The following SREBF2 variants were observed in gnomAD, a reference collection of about 807,000 sequenced individuals.
SREBF2 encodes sterol regulatory element binding transcription factor 2, also known as sterol regulatory element-binding protein 2.
A neutral mutation model predicts 113.1 loss-of-function variants in SREBF2; 55 were observed. The observed-to-expected ratio is 0.49, with a 90% CI of 0.39 to 0.61. The LOEUF (loss-of-function observed/expected upper bound fraction) is 0.61, where lower values mean the gene tolerates loss of function less well. Ranked by LOEUF, SREBF2 falls within the 20% of genes least tolerant of loss-of-function variation. The probability of loss-of-function intolerance (pLI) is 0.00; values close to 1 mark genes in which losing one functional copy is unlikely to be tolerated. For missense variants in SREBF2, 1,349 were observed against 1,487.4 expected, an observed-to-expected ratio of 0.91 and a Z score of 1.53; for synonymous variants, 593 against 605.7, an observed-to-expected ratio of 0.98 and a Z score of 0.31.
At position 41,885,012 on chromosome 22, in the gene SREBF2, G is replaced by A. The variant is rs766904764; in HGVS notation, c.2208+1G>A. On this transcript the variant is annotated splice_donor_variant, in intron 11 of 18. Transcript: ENST00000361204. LOFTEE classifies it high-confidence loss of function. The stretch of plus-strand genomic sequence containing the variant: ...TGGAGGCAAGCTGGGCTTCCTGGCC[G>A]TGAGTACCCTTCGGTTCCCTTCTGT... The A allele has an allele frequency of 5.6e-6, 9 of 1,614,038 alleles. No homozygotes were observed. Among genetic ancestry groups the A allele is most frequent in the Admixed American group, 1.7e-5 (1 of 60,008 alleles).
At chr22:41,900,039 CGTT>C in intron 15 of SREBF2, 1 of 1,337,644 alleles carries the variant, frequency 7.5e-7, no homozygotes, top group East Asian at 3.3e-5. Flanking sequence ...CTGAGGCACA[CGTT>C]GGAATGACTA....
intron 11 of SREBF2, among the ~76,000 whole-genome samples, chr22:41,889,819 G>A (rs987299296): frequency 6.6e-6 from 1 of 151,888 alleles, no homozygotes; most frequent in African/African-American, 2.4e-5. Context: ...TGGCCAACAT[G>A]ATGAAACTCC....
At chr22:41,896,945 C>A in intron 13 of SREBF2, 107 bp from the exon 14 acceptor site, 1 of 757,968 alleles carries the variant, frequency 1.3e-6, no homozygotes, top group Non-Finnish European at 2.3e-6. Flanking sequence ...AGGAAAGGGA[C>A]AGAAATGGCC....
intron 11 of SREBF2, among the ~76,000 whole-genome samples, chr22:41,892,222 C>A (rs1329674451): frequency 6.6e-6 from 1 of 152,216 alleles, no homozygotes; most frequent in African/African-American, 2.4e-5. Context: ...CACTCCAGTG[C>A]CATCTGATGT....
In SREBF2 at chr22:41,906,115, A is replaced by T; in HGVS notation, c.*455A>T. On this transcript the variant is annotated 3_prime_UTR_variant, in exon 19 of 19. Transcript: ENST00000361204. ...TCCCCTTTTTATACGAATGTTTTCT[A>T]CCAGTGTGCTTGGGTTTGCCATGAT... The T allele has an allele frequency of 2.4e-6, 1 of 412,264 alleles. No individual in the cohort carries two copies. The highest frequency in any genetic ancestry group is 1.8e-5 in the South Asian group (1 of 56,480). The allele number at this position is 412,264 out of a possible 1,614,324, so 25.5% of individuals were successfully genotyped here. A position where few individuals can be genotyped will look rare whatever the true frequency, so the allele number is the denominator to read the frequency against.
At chr22:41,855,226 T>C (rs1025820689) in intron 1 of SREBF2, among the ~76,000 whole-genome samples, 1 of 152,112 alleles carries the variant, frequency 6.6e-6, no homozygotes, top group African/African-American at 2.4e-5. Context: ...ATTGCAAATT[T>C]AAATACAAAA....
At chr22:41,861,419 C>G (rs2077026360) in intron 1 of SREBF2, among the ~76,000 whole-genome samples, 1 of 151,798 alleles carries the variant, frequency 6.6e-6, no homozygotes, top group African/African-American at 2.4e-5. Context: ...TTGCTTGAAC[C>G]TGGGATGTGG....
At chr22:41,866,340 C>A (rs1250950215) in intron 1 of SREBF2, among the ~76,000 whole-genome samples, 1 of 152,060 alleles carries the variant, frequency 6.6e-6, no homozygotes, top group Non-Finnish European at 1.5e-5. Context: ...CACCTAAGGT[C>A]AGGAGTTCGA....
At chr22:41,882,947 A>T (rs1769091361) in intron 10 of SREBF2, among the ~76,000 whole-genome samples, 1 of 152,202 alleles carries the variant, frequency 6.6e-6, no homozygotes, top group African/African-American at 2.4e-5. Flanking sequence ...CTCCAAAAAA[A>T]ATTCAAAAAA....
chr22:41,857,190 G>C (rs1043594554), intron 1 of SREBF2, among the ~76,000 whole-genome samples: 2 of 152,194 alleles, frequency 1.3e-5, no homozygotes, highest in Non-Finnish European at 2.9e-5. Flanking sequence ...GTGGACGGGA[G>C]TGAAGAGGTA....
chr22:41,884,863 C>T lies in SREBF2; in HGVS notation c.2060C>T (p.Ala687Val). 1.2e-6 allele frequency: 2 copies of T among 1,614,196 alleles called. No individual in the cohort carries two copies. Among genetic ancestry groups the T allele is most frequent in the Non-Finnish European group, 1.7e-6 (2 of 1,180,032 alleles). ...HITGKLPAGS[A>V]CSDVHMALCA... The stretch of plus-strand genomic sequence containing the variant: ...CTAGGGAAGCTTCCTGCAGGATCCG[C>T]CTGTTCCGATGTACACATGGCGTTG... The change falls in exon 11 of 19, where the codon GCC becomes GTC. Residue 687 changes from alanine to valine, a missense_variant. By Grantham distance (64) the Ala-to-Val change is moderately conservative (BLOSUM62 0). Coordinates refer to ENST00000361204, the MANE Select transcript of SREBF2 (RefSeq NM_004599.4).
intron 1 of SREBF2, among the ~76,000 whole-genome samples, chr22:41,861,200 T>C (rs2077023968): frequency 6.6e-6 from 1 of 152,030 alleles, no homozygotes; most frequent in African/African-American, 2.4e-5. Context: ...ACATTGACAA[T>C]GGGCCGGGCG....
rs773251845 is a variant in SREBF2 at position 41,864,249 on chromosome 22, TATATATATATATAC to T, written c.89-2580_89-2567del. The stretch of plus-strand genomic sequence containing the variant: ...ATATATATATATATATATATATATA[TATATATATATATAC>T]ACACACACACACACACACACAAAAT... On this transcript the variant is annotated intron_variant, in intron 1 of 18. Coordinates refer to ENST00000361204, the MANE Select transcript of SREBF2 (RefSeq NM_004599.4). 5.9e-3 allele frequency among the ~76,000 whole-genome samples: 573 copies of T among 96,714 alleles called. 1 individual carries two copies. The highest frequency in any genetic ancestry group is 9.1e-3 in the Non-Finnish European group (457 of 50,044). The allele number at this position is 96,714 out of a possible 152,430, so 63.4% of individuals were successfully genotyped here.
At chr22:41,900,198 T>C in intron 15 of SREBF2, 132 bp from the exon 16 acceptor site, 1 of 1,528,588 alleles carries the variant, frequency 6.5e-7, no homozygotes, top group Non-Finnish European at 8.8e-7. Context: ...GGTGCCATAG[T>C]GGCAGCATTG....
intron 1 of SREBF2, among the ~76,000 whole-genome samples, chr22:41,838,187 G>A (rs190821228): frequency 1.2e-3 from 188 of 152,250 alleles, no homozygotes; most frequent in Non-Finnish European, 8.7e-4. Context: ...CCTTTTTGCT[G>A]GGTCCAAATA....
chr22:41,881,003 AGCT>A lies in SREBF2; in HGVS notation c.2038+20_2038+22del. The A allele has an allele frequency of 2.5e-6, 4 of 1,603,800 alleles. No individual in the cohort carries two copies. Among genetic ancestry groups the A allele is most frequent in the Non-Finnish European group, 2.5e-6 (3 of 1,179,634 alleles). On this transcript the variant is annotated intron_variant, in intron 10 of 18. Transcript: ENST00000361204. ...AGCTGCACATCACAGGTGAGGGGGC[AGCT>A]GCTGCTGCCTGGCTTGCTGCAAGGC... is the stretch of plus-strand genomic sequence containing the variant.
At chr22:41,895,001 C>G in intron 13 of SREBF2, 64 bp downstream of exon 13, 1 of 1,294,604 alleles carries the variant, frequency 7.7e-7, no homozygotes, top group Non-Finnish European at 1.1e-6. Flanking sequence ...CCAGGACAGC[C>G]TGAAGGCCTG....
At chr22:41,898,376 C>A (rs1336276497) in intron 14 of SREBF2, among the ~76,000 whole-genome samples, 1 of 152,182 alleles carries the variant, frequency 6.6e-6, no homozygotes, top group South Asian at 2.1e-4. Flanking sequence ...CCTCAGCCTC[C>A]CAAAATGCTG....
intron 1 of SREBF2, among the ~76,000 whole-genome samples, chr22:41,840,578 C>T (rs1334005046): frequency 6.6e-6 from 1 of 152,206 alleles, no homozygotes; most frequent in African/African-American, 2.4e-5. Context: ...CCTCATTCCA[C>T]TTTGGTAGTT....
Sources: gnomAD v4.1 joint callset for allele counts (sites outside exome capture counted in the v4.1 genomes callset) on GRCh38, gnomAD v4.1.1 for gene constraint, MANE v1.5 for transcripts, NCBI Gene and HGNC (gene_info 2026-07-23, HGNC 2026-07-21) for gene names.